Variants in SUCLG2 observed in about 807,000 individuals in gnomAD.
SUCLG2 encodes succinate--CoA ligase [GDP-forming] subunit beta, mitochondrial.
In SUCLG2, 42 loss-of-function variants were observed where a neutral mutation model predicts 47.9. The ratio of observed to expected loss-of-function variants is 0.88; its 90% CI spans 0.69 to 1.14. The LOEUF (loss-of-function observed/expected upper bound fraction) is 1.14, where lower values mean the gene tolerates loss of function less well. SUCLG2 is among the 50% of genes most tolerant of loss of function. SUCLG2 has a pLI of 0.00. For missense variants in SUCLG2, 571 were observed against 525.9 expected (o/e 1.09, Z -0.84); for synonymous variants, 195 against 197.3 (o/e 0.99, Z 0.10).
At position 67,438,651 on chromosome 3, in the gene SUCLG2, T is replaced by C. The variant is rs188776284; in HGVS notation, c.1063-37800A>G. On this transcript the variant is annotated intron_variant, in intron 9 of 10. Coordinates refer to ENST00000307227, the MANE Select transcript of SUCLG2 (RefSeq NM_003848.4). ...AGAAAATCTAGAAGAAATGGATAAA[T>C]TCCTGGACACATACACCCTCCCAAG... Among the ~76,000 whole-genome samples, 543 of 152,234 alleles carry C rather than the reference T, an allele frequency of 3.6e-3. 2 individuals carry two copies. The highest frequency in any genetic ancestry group is 6.6e-3 in the Admixed American group (101 of 15,290).
intron 9 of SUCLG2, among the ~76,000 whole-genome samples, chr3:67,430,052 G>A (rs547756987): frequency 1.3e-5 from 2 of 152,268 alleles, no homozygotes; most frequent in African/African-American, 4.8e-5. Flanking sequence ...GAGAGGGAAA[G>A]TTAACAAGGA....
intron 9 of SUCLG2, among the ~76,000 whole-genome samples, chr3:67,422,645 G>C (rs1056328633): frequency 2.0e-5 from 3 of 151,934 alleles, no homozygotes; most frequent in Admixed American, 6.6e-5. Flanking sequence ...TTGATGTTGA[G>C]AATGAGAAAG....
intron 2 of SUCLG2, among the ~76,000 whole-genome samples, chr3:67,550,918 C>T (rs1010039604): frequency 7.9e-5 from 12 of 151,200 alleles, no homozygotes; most frequent in East Asian, 5.8e-4. Context: ...GGGGCAGGGG[C>T]GGCGGCAGAA....
intron 10 of SUCLG2, among the ~76,000 whole-genome samples, chr3:67,381,197 A>C (rs941523224): frequency 1.2e-5 from 1 of 80,886 alleles, no homozygotes; most frequent in Non-Finnish European, 2.5e-5. Flanking sequence ...TAAATAAATA[A>C]ATAAATAAAA....
intron 9 of SUCLG2, among the ~76,000 whole-genome samples, chr3:67,469,751 A>T (rs1169920561): frequency 5.9e-5 from 9 of 151,632 alleles, no homozygotes; most frequent in South Asian, 2.1e-4. Context: ...ATAATTTTTT[A>T]AAAAAGATTA....
chr3:67,432,092 A>G (rs1263824686), intron 9 of SUCLG2, among the ~76,000 whole-genome samples: 1 of 152,148 alleles, frequency 6.6e-6, no homozygotes, highest in Admixed American at 6.5e-5. Flanking sequence ...TCAGCTGTCA[A>G]GAGATACTGT....
chr3:67,640,248 G>T (rs1701076945), intron 1 of SUCLG2, among the ~76,000 whole-genome samples: 1 of 152,208 alleles, frequency 6.6e-6, no homozygotes, highest in African/African-American at 2.4e-5. Context: ...GCCAATGGAT[G>T]TGTCCCGTGC....
intron 2 of SUCLG2, among the ~76,000 whole-genome samples, chr3:67,547,483 A>T (rs1034612540): frequency 2.6e-5 from 4 of 152,152 alleles, no homozygotes; most frequent in Non-Finnish European, 5.9e-5. Context: ...CTTCGTCCTC[A>T]AGCACTGGTG....
rs868729418 is a variant in SUCLG2, at chr3:67,612,074, T to C, written c.85-2478A>G. ...CACTTATTAAGAATTTGTAGCTGGG[T>C]GTGGGCAGGCGCAGTGGTTCACACC... On this transcript the variant is annotated intron_variant, in intron 1 of 10. Coordinates refer to ENST00000307227, the MANE Select transcript of SUCLG2 (RefSeq NM_003848.4). Among the ~76,000 whole-genome samples the C allele has an allele frequency of 2.0e-5, 3 of 152,278 alleles. No individual in the cohort carries two copies. In the South Asian group the frequency reaches 6.2e-4, roughly 32 times the overall value.
intron 9 of SUCLG2, among the ~76,000 whole-genome samples, chr3:67,402,312 A>AGGTTACCTAGAG (rs1702702045): frequency 6.6e-6 from 1 of 152,276 alleles, no homozygotes; most frequent in East Asian, 1.9e-4. Flanking sequence ...GAAAGTGGGC[A>AGGTTACCTAGAG]AGTAAGAAAA....
intron 9 of SUCLG2, among the ~76,000 whole-genome samples, chr3:67,405,414 C>CA (rs1702780809): frequency 6.6e-6 from 1 of 152,204 alleles, no homozygotes; most frequent in Non-Finnish European, 1.5e-5. Context: ...AACAAACCAA[C>CA]AAAAATCAAT....
chr3:67,391,186 C>T (rs1007718739), intron 10 of SUCLG2, among the ~76,000 whole-genome samples: 11 of 152,168 alleles, frequency 7.2e-5, no homozygotes, highest in African/African-American at 2.2e-4. Context: ...CTCTAACATT[C>T]CCTAAACTTT....
intron 10 of SUCLG2, among the ~76,000 whole-genome samples, chr3:67,364,178 C>T (rs984145645): frequency 6.6e-6 from 1 of 152,196 alleles, no homozygotes; most frequent in African/African-American, 2.4e-5. Context: ...GGAGCTCTGA[C>T]TTTCACCCTC....
chr3:67,409,084 C>A, intron 9 of SUCLG2: 1 of 1,496,522 alleles, frequency 6.7e-7, no homozygotes, highest in Non-Finnish European at 8.9e-7. Flanking sequence ...GTTTGTGGAC[C>A]AATGGGTTTT....
chr3:67,649,359 T>C (rs1484774361), intron 1 of SUCLG2, among the ~76,000 whole-genome samples: 1 of 152,198 alleles, frequency 6.6e-6, no homozygotes, highest in Non-Finnish European at 1.5e-5. Context: ...GTCATATTTA[T>C]CTGCCCAACA....
chr3:67,393,793 T>A (rs1385564005), intron 10 of SUCLG2, among the ~76,000 whole-genome samples: 6 of 152,014 alleles, frequency 3.9e-5, no homozygotes, highest in Non-Finnish European at 8.8e-5. Context: ...GACTGACACC[T>A]CACATGGCCG....
chr3:67,470,074 A>C (rs932920048), intron 9 of SUCLG2, among the ~76,000 whole-genome samples: 1 of 152,124 alleles, frequency 6.6e-6, no homozygotes, highest in Non-Finnish European at 1.5e-5. Context: ...ATGTTGTCCA[A>C]GGAATTAACT....
chr3:67,560,891 T>C, intron 2 of SUCLG2, among the ~76,000 whole-genome samples: 1 of 151,600 alleles, frequency 6.6e-6, no homozygotes. Context: ...CAGTGATCAA[T>C]TAAAACAGAT....
chr3:67,500,435 A>T (rs1213718168), intron 7 of SUCLG2, among the ~76,000 whole-genome samples: 2 of 152,224 alleles, frequency 1.3e-5, no homozygotes, highest in African/African-American at 4.8e-5. Flanking sequence ...ATGGAAGTTA[A>T]TGTCTGCTTA....
Sources: gnomAD v4.1 joint callset for allele counts (sites outside exome capture counted in the v4.1 genomes callset) on GRCh38, gnomAD v4.1.1 for gene constraint, MANE v1.5 for transcripts, NCBI Gene and HGNC (gene_info 2026-07-23, HGNC 2026-07-21) for gene names.